The following MYO5B variants were observed in gnomAD, a reference collection of about 807,000 sequenced individuals.
MYO5B encodes the protein myosin VB.
In MYO5B, 143 loss-of-function variants were observed where a neutral mutation model predicts 229.3. The observed-to-expected ratio is 0.62, with a 90% CI of 0.54 to 0.72. MYO5B has a LOEUF of 0.72. Ranked by LOEUF, MYO5B falls within the 30% of genes least tolerant of loss-of-function variation. MYO5B has a pLI of 0.00. For synonymous variants in MYO5B, 918 were observed against 885.2 expected (o/e 1.04, Z -0.66); for missense variants, 2,321 against 2,331.0 (o/e 1.00, Z 0.09).
Position 50,194,899 on chromosome 18 carries a change from T to G in MYO5B, c.-106A>C. The G allele has an allele frequency of 8.2e-7, 1 of 1,216,288 alleles. No homozygotes were observed. Among genetic ancestry groups the G allele is most frequent in the Non-Finnish European group, 1.0e-6 (1 of 977,554 alleles). 75.3% of individuals were successfully genotyped at this position (1,216,288 alleles called of 1,614,324 possible). A position where few individuals can be genotyped will look rare whatever the true frequency, so the allele number is the denominator to read the frequency against. On this transcript the variant is annotated 5_prime_UTR_variant, in exon 1 of 40. Transcript: ENST00000285039. Reference sequence around the variant, plus strand: ...TGTTCCCGGGCTGGCCTGGAGTTTCTCGATCTTCTCGCTCTTCTCCGACCT... The same window carrying G: ...TGTTCCCGGGCTGGCCTGGAGTTTCGCGATCTTCTCGCTCTTCTCCGACCT...
intron 21 of MYO5B, 145 bp downstream of exon 21, chr18:49,902,447 CCA>C (rs2144143541): frequency 1.8e-6 from 2 of 1,106,382 alleles, no homozygotes; most frequent in Admixed American, 3.7e-5. Context: ...GATCTGCCTG[CCA>C]CAGTTAGTAT....
At chr18:50,049,118 ACT>A (rs2030323819) in intron 2 of MYO5B, among the ~76,000 whole-genome samples, 1 of 151,896 alleles carries the variant, frequency 6.6e-6, no homozygotes, top group African/African-American at 2.4e-5. Context: ...CATGGCCACC[ACT>A]GTTTTAGAAA....
At chr18:49,936,937 C>G (rs960246701) in intron 15 of MYO5B, among the ~76,000 whole-genome samples, 1 of 152,134 alleles carries the variant, frequency 6.6e-6, no homozygotes, top group African/African-American at 2.4e-5. Context: ...CCTCTCTAAC[C>G]TATAAATTCC....
intron 21 of MYO5B, among the ~76,000 whole-genome samples, chr18:49,901,577 A>G (rs2024841962): frequency 1.3e-5 from 2 of 152,222 alleles, no homozygotes; most frequent in Non-Finnish European, 2.9e-5. Flanking sequence ...TAGACCATTT[A>G]TTCTTCTTTC....
At chr18:49,860,586 G>A (rs2024317939) in intron 29 of MYO5B, among the ~76,000 whole-genome samples, 1 of 152,048 alleles carries the variant, frequency 6.6e-6, no homozygotes, top group Non-Finnish European at 1.5e-5. Flanking sequence ...CAGTTATAGG[G>A]ACCAAAACAA....
chr18:49,885,294 G>T (rs1355441490), intron 22 of MYO5B, among the ~76,000 whole-genome samples: 1 of 152,088 alleles, frequency 6.6e-6, no homozygotes, highest in African/African-American at 2.4e-5. Flanking sequence ...ACCTCCTCAG[G>T]ACAGCACCAC....
At chr18:49,879,652 C>A (rs1247555443) in intron 23 of MYO5B, among the ~76,000 whole-genome samples, 1 of 152,150 alleles carries the variant, frequency 6.6e-6, no homozygotes, top group Non-Finnish European at 1.5e-5. Flanking sequence ...TCATGTGGTT[C>A]CATCCTCTTG....
At chr18:50,111,361 T>G (rs554498097) in intron 1 of MYO5B, among the ~76,000 whole-genome samples, 1 of 152,352 alleles carries the variant, frequency 6.6e-6, no homozygotes, top group South Asian at 2.1e-4. Context: ...GGGCACTGAA[T>G]AGTAAATTAT....
intron 1 of MYO5B, among the ~76,000 whole-genome samples, chr18:50,092,066 T>C (rs72917846): frequency 0.084 from 12,735 of 152,270 alleles, 714 homozygotes; most frequent in Non-Finnish European, 0.11. Context: ...GCATCTGTTA[T>C]GCTTTTGCAG....
intron 33 of MYO5B, among the ~76,000 whole-genome samples, chr18:49,846,282 T>G (rs758199741): frequency 6.6e-6 from 1 of 152,212 alleles, no homozygotes; most frequent in Non-Finnish European, 1.5e-5. Flanking sequence ...TTATGTGCCT[T>G]GCAATTGAGG....
chr18:49,892,541 T>C (rs1038681779), intron 22 of MYO5B, among the ~76,000 whole-genome samples: 14 of 152,346 alleles, frequency 9.2e-5, no homozygotes, highest in African/African-American at 3.4e-4. Flanking sequence ...TGTGCTTGGC[T>C]GGTCTCATCA....
At chr18:49,846,895 G>A (rs535295878) in intron 33 of MYO5B, among the ~76,000 whole-genome samples, 4 of 151,916 alleles carry the variant, frequency 2.6e-5, no homozygotes, top group African/African-American at 4.8e-5. Context: ...CACTTCCATC[G>A]TATGGGCAGA....
intron 1 of MYO5B, among the ~76,000 whole-genome samples, 168 bp downstream of exon 1, chr18:50,194,599 C>T (rs954398017): frequency 1.3e-5 from 2 of 152,184 alleles, no homozygotes; most frequent in African/African-American, 4.8e-5. Context: ...ACTTTCTCCG[C>T]CAACCGAAGT....
At chr18:50,126,936 C>T (rs1055775838) in intron 1 of MYO5B, among the ~76,000 whole-genome samples, 2 of 152,170 alleles carry the variant, frequency 1.3e-5, no homozygotes, top group Non-Finnish European at 2.9e-5. Context: ...TTTTACAATT[C>T]ATTGGTTAGT....
chr18:49,941,063 G>A (rs2025307969), intron 14 of MYO5B, among the ~76,000 whole-genome samples: 1 of 152,148 alleles, frequency 6.6e-6, no homozygotes, highest in Admixed American at 6.5e-5. Context: ...TAGTCTAATG[G>A]GTTATAAAGC....
Position 50,055,744 on chromosome 18 carries a change from A to T in MYO5B, c.28-366T>A, listed in dbSNP as rs956009470. On this transcript the variant is annotated intron_variant, in intron 1 of 39. Transcript: ENST00000285039. ...GAGTTATTTAGCAGGCTACAAACAA[A>T]ACAACACAGGGAAAAGCCAAGACAG... 3.3e-5 allele frequency among the ~76,000 whole-genome samples: 5 copies of T among 152,216 alleles called. No homozygotes were observed. In the East Asian group the frequency reaches 9.6e-4, roughly 29 times the overall value.
intron 4 of MYO5B, among the ~76,000 whole-genome samples, chr18:50,034,079 T>C (rs985270049): frequency 3.3e-5 from 5 of 152,144 alleles, no homozygotes; most frequent in African/African-American, 1.2e-4. Context: ...GCCACCTGAG[T>C]TGTAGTCTCC....
chr18:49,919,254 T>C (rs1406696682), intron 17 of MYO5B, among the ~76,000 whole-genome samples: 1 of 151,804 alleles, frequency 6.6e-6, no homozygotes, highest in African/African-American at 2.4e-5. Flanking sequence ...TTAGTCTTTG[T>C]GACCTTGGGT....
intron 1 of MYO5B, among the ~76,000 whole-genome samples, chr18:50,182,992 C>T (rs1332580368): frequency 1.3e-5 from 2 of 152,174 alleles, no homozygotes; most frequent in Non-Finnish European, 2.9e-5. Flanking sequence ...AATATACACA[C>T]TCAACCACCA....
Sources: allele counts gnomAD v4.1 joint callset (sites outside exome capture counted in the v4.1 genomes callset), GRCh38; gene constraint gnomAD v4.1.1; transcripts MANE v1.5; gene names NCBI Gene and HGNC (gene_info 2026-07-23, HGNC 2026-07-21).